Variants in CUBN observed in about 807,000 individuals in gnomAD.
CUBN encodes the protein cubilin, also known as 460 kDa receptor.
A neutral mutation model predicts 405.3 loss-of-function variants in CUBN; 282 were observed. The ratio of observed to expected loss-of-function variants is 0.70; its 90% CI spans 0.63 to 0.77. The LOEUF (loss-of-function observed/expected upper bound fraction) is 0.77. Ranked by LOEUF, CUBN falls within the 30% of genes least tolerant of loss-of-function variation. The probability of loss-of-function intolerance (pLI) is 0.00; values close to 1 mark genes in which losing one functional copy is unlikely to be tolerated. For synonymous variants in CUBN, 1,684 were observed against 1,617.0 expected (o/e 1.04, Z -0.99); for missense variants, 4,514 against 4,475.2 (o/e 1.01, Z -0.25).
At chr10:16,848,892 C>T (rs1305249890) in intron 60 of CUBN, among the ~76,000 whole-genome samples, 3 of 151,766 alleles carry the variant, frequency 2.0e-5, no homozygotes, top group Admixed American at 1.3e-4. Context: ...TTTGTAGAGA[C>T]GGGTTCTCAC....
Position 16,950,051 on chromosome 10 carries a change from C to T in CUBN, c.5030G>A (p.Arg1677His), listed in dbSNP as rs375309367. The part of the protein sequence containing the change: ...FELERSTTCA[R>H]DFVEILDGGH... ...GCCATCCAAAATTTCTACAAAGTCA[C>T]GTGCACACGTTGTGCTTCTTTCAAG... is the stretch of plus-strand genomic sequence containing the variant. Residue 1677 changes from arginine to histidine, a missense_variant, in exon 34 of 67, where the codon CGT becomes CAT. Transcript: ENST00000377833. 1.8e-5 allele frequency: 29 copies of T among 1,613,894 alleles called. No individual in the cohort carries two copies. In the African/African-American group the frequency reaches 2.8e-4, roughly 16 times the overall value.
intron 31 of CUBN, among the ~76,000 whole-genome samples, chr10:16,967,030 GA>G (rs1843411481): frequency 6.6e-6 from 1 of 152,164 alleles, no homozygotes; most frequent in African/African-American, 2.4e-5. Context: ...AATCCCTCAG[GA>G]AATTATACAA....
intron 7 of CUBN, 65 bp downstream of exon 7, chr10:17,115,406 T>A (rs906160155): frequency 2.5e-6 from 4 of 1,601,994 alleles, no homozygotes; most frequent in African/African-American, 2.7e-5. Context: ...GCAGTGGGCA[T>A]AGGAGGAGGA....
chr10:16,978,887 G>A (rs532771950), intron 31 of CUBN, among the ~76,000 whole-genome samples: 1 of 152,158 alleles, frequency 6.6e-6, no homozygotes, highest in South Asian at 2.1e-4. Flanking sequence ...CAAATAGAGA[G>A]GAAGTCAAAT....
At chr10:17,081,007 A>T (rs1038159865) in intron 17 of CUBN, among the ~76,000 whole-genome samples, 3 of 152,146 alleles carry the variant, frequency 2.0e-5, no homozygotes, top group Non-Finnish European at 4.4e-5. Flanking sequence ...CTTAAGAGAG[A>T]TATATAAATC....
chr10:17,026,646 AT>A (rs1834674114), intron 27 of CUBN, among the ~76,000 whole-genome samples: 1 of 151,958 alleles, frequency 6.6e-6, no homozygotes, highest in African/African-American at 2.4e-5. Flanking sequence ...AAAAAAATAA[AT>A]AAATAAATAA....
chr10:16,831,989 A>G (rs541481446), intron 64 of CUBN, among the ~76,000 whole-genome samples: 1 of 152,214 alleles, frequency 6.6e-6, no homozygotes, highest in South Asian at 2.1e-4. Flanking sequence ...AAATCTATAC[A>G]ATGTCTGTTG....
At chr10:16,884,828 C>G (rs1840765727) in intron 56 of CUBN, among the ~76,000 whole-genome samples, 1 of 152,186 alleles carries the variant, frequency 6.6e-6, no homozygotes. Context: ...GCCAATCCCA[C>G]CTTTTGTGCT....
chr10:17,005,283 T>C (rs1361483418), intron 28 of CUBN, among the ~76,000 whole-genome samples: 1 of 152,148 alleles, frequency 6.6e-6, no homozygotes, highest in Non-Finnish European at 1.5e-5. Context: ...CCTAAGGAGA[T>C]TGTTCGGACA....
At chr10:17,063,851 C>T (rs1239056638) in intron 22 of CUBN, among the ~76,000 whole-genome samples, 1 of 152,204 alleles carries the variant, frequency 6.6e-6, no homozygotes, top group Non-Finnish European at 1.5e-5. Flanking sequence ...CAGAAGTCAT[C>T]TCTCGAAGAT....
chr10:17,031,380 T>A (rs1226066193), intron 27 of CUBN, among the ~76,000 whole-genome samples: 1 of 152,200 alleles, frequency 6.6e-6, no homozygotes, highest in African/African-American at 2.4e-5. Flanking sequence ...TTGTTTTGGC[T>A]CTTTACATAT....
intron 59 of CUBN, among the ~76,000 whole-genome samples, chr10:16,858,088 T>C (rs1839911745): frequency 6.6e-6 from 1 of 152,050 alleles, no homozygotes; most frequent in South Asian, 2.1e-4. Context: ...AATATTTAGG[T>C]ATATACTTAA....
chr10:16,984,371 G>T, intron 29 of CUBN, 92 bp from the exon 30 acceptor site: 1 of 1,236,030 alleles, frequency 8.1e-7, no homozygotes, highest in Non-Finnish European at 1.2e-6. Context: ...GGCTCCTTGG[G>T]TTCTATGATT....
chr10:16,889,942 A>AAAAAAAAAAAAAAAACAAACAAAC lies in CUBN; in HGVS notation c.8755+428_8755+429insGTTTGTTTGTTTTTTTTTTTTTTT, dbSNP rs1554788548. On this transcript the variant is annotated intron_variant, in intron 55 of 66. Transcript: ENST00000377833. The stretch of plus-strand genomic sequence containing the variant: ...CAGAGTGAGACGCCGTGTCAAAAAA[A>AAAAAAAAAAAAAAAACAAACAAAC]AAAAAAAAAAACAGGAAAGACTTCG... 4.5e-4 allele frequency among the ~76,000 whole-genome samples: 61 copies of AAAAAAAAAAAAAAAACAAACAAAC among 136,312 alleles called. 3 individuals are homozygous for AAAAAAAAAAAAAAAACAAACAAAC. Among genetic ancestry groups the AAAAAAAAAAAAAAAACAAACAAAC allele is most frequent in the African/African-American group, 1.7e-3 (59 of 34,130 alleles). 89.4% of individuals were successfully genotyped at this position (136,312 alleles called of 152,430 possible).
At chr10:16,889,763 A>G (rs891630926) in intron 55 of CUBN, among the ~76,000 whole-genome samples, 3 of 151,564 alleles carry the variant, frequency 2.0e-5, no homozygotes, top group Admixed American at 6.6e-5. Flanking sequence ...TTAGCTGGGC[A>G]TGGTGGCACA....
At chr10:16,856,429 C>T (rs142597897) in intron 59 of CUBN, among the ~76,000 whole-genome samples, 34 of 152,180 alleles carry the variant, frequency 2.2e-4, no homozygotes, top group African/African-American at 5.8e-4. Flanking sequence ...GAAATATAAC[C>T]CCATAATAAG....
intron 59 of CUBN, among the ~76,000 whole-genome samples, chr10:16,862,637 A>G (rs1390837962): frequency 6.6e-6 from 1 of 152,188 alleles, no homozygotes; most frequent in African/African-American, 2.4e-5. Context: ...ATAACAAAAG[A>G]ATGTTTTAAA....
rs969261946 is a variant in CUBN at position 16,892,614 on chromosome 10, C to G, written c.8599-2087G>C. 3.9e-4 allele frequency among the ~76,000 whole-genome samples: 60 copies of G among 152,132 alleles called. 1 individual carries two copies. The highest frequency in any genetic ancestry group is 1.4e-3 in the African/African-American group (58 of 41,424). Reference sequence around the variant, plus strand: ...TCAGGTGATCTTCCCACCTCAGCCTCCCAAGTAGCTGGGACTACAGGTGCG... The same window carrying G: ...TCAGGTGATCTTCCCACCTCAGCCTGCCAAGTAGCTGGGACTACAGGTGCG... On this transcript the variant is annotated intron_variant, in intron 54 of 66. Coordinates refer to ENST00000377833, the MANE Select transcript of CUBN (RefSeq NM_001081.4).
chr10:16,961,865 C>G (rs1564449027), intron 31 of CUBN, among the ~76,000 whole-genome samples: 2 of 151,884 alleles, frequency 1.3e-5, no homozygotes, highest in Non-Finnish European at 2.9e-5. Flanking sequence ...GCGCCCGCCA[C>G]TACGCCTGGC....
Sources: gnomAD v4.1 joint callset for allele counts (sites outside exome capture counted in the v4.1 genomes callset) on GRCh38, gnomAD v4.1.1 for gene constraint, MANE v1.5 for transcripts, NCBI Gene and HGNC (gene_info 2026-07-23, HGNC 2026-07-21) for gene names.